CGREF1: variants seen among roughly 807,000 people sequenced by gnomAD.
CGREF1 encodes cell growth regulator with EF hand domain protein 1.
Under a neutral mutation model 17.4 loss-of-function variants are expected in CGREF1, and 16 were observed. The observed-to-expected ratio is 0.92, with a 90% CI of 0.62 to 1.40. CGREF1 has a LOEUF of 1.40. CGREF1 is among the 40% of genes most tolerant of loss of function. The pLI, the probability that CGREF1 is intolerant of heterozygous loss-of-function variation, is 0.00. For missense variants in CGREF1, 296 were observed against 376.4 expected (o/e 0.79, Z 1.77); for synonymous variants, 142 against 154.6 (o/e 0.92, Z 0.61).
chr2:27,109,087 T>G (rs1671245746), intron 1 of CGREF1, among the ~76,000 whole-genome samples: 1 of 152,146 alleles, frequency 6.6e-6, no homozygotes, highest in Non-Finnish European at 1.5e-5. Flanking sequence ...TTAAAGGAAA[T>G]TCAGCTGGAT....
chr2:27,107,933 CAAAAAAAAA>C (rs143132359), intron 1 of CGREF1, among the ~76,000 whole-genome samples: 1 of 95,852 alleles, frequency 1.0e-5, no homozygotes, highest in Non-Finnish European at 2.0e-5. Context: ...GACTCTGTCT[CAAAAAAAAA>C]AAAAAAAAGA....
chr2:27,111,190 G>T (rs527957630), intron 1 of CGREF1, among the ~76,000 whole-genome samples: 4 of 152,250 alleles, frequency 2.6e-5, no homozygotes, highest in Non-Finnish European at 1.5e-5. Flanking sequence ...AGAGCGGAGT[G>T]GTCTGTTTTG....
Position 27,104,305 on chromosome 2 carries a change from G to A in CGREF1, c.62C>T (p.Pro21Leu). 1.3e-6 allele frequency: 2 copies of A among 1,568,262 alleles called. No individual in the cohort carries two copies. The highest frequency in any genetic ancestry group is 2.2e-5 in the East Asian group (1 of 44,580). The change falls in exon 2 of 6, where the codon CCA becomes CTA. Residue 21 changes from proline to leucine, a missense_variant. This residue lies in a region of CGREF1 where 247 missense variants were observed against 267.2 expected (regional missense o/e 0.92). Transcript: ENST00000402394. ...CTGTTACCTTGTGACTCCATCCTTT[G>A]GGGCAGCCTGACCCGTGGGGAGCAG... ...LLLLPTGQAA[P>L]KDGVTRPDSE... is the part of the protein sequence containing the mutation.
rs149975754 is a variant in CGREF1 at position 27,110,892 on chromosome 2, C to T, written c.-11-6515G>A. The T allele has an allele frequency of 1.5e-3, 231 of 152,810 alleles. 6 individuals are homozygous for T. The East Asian group carries it at 0.043, about 28-fold the overall frequency. 9.5% of individuals were successfully genotyped at this position (152,810 alleles called of 1,614,324 possible). ...CTGCGGACCTTCGCAGTGAGTGTTA[C>T]AGCTCTTAAGGTAGTGCGTCTGGAG... On this transcript the variant is annotated intron_variant, in intron 1 of 5. Transcript: ENST00000402394.
Position 27,118,997 on chromosome 2 carries a change from C to G in CGREF1, c.-163G>C, listed in dbSNP as rs1161555528. 6.6e-6 allele frequency: 1 copy of G among 152,034 alleles called. No homozygotes were observed. Among genetic ancestry groups the G allele is most frequent in the Non-Finnish European group, 1.5e-5 (1 of 67,838 alleles). The allele number at this position is 152,034 out of a possible 1,614,324, so 9.4% of individuals were successfully genotyped here. ...CTCCCGGCTGGAGCCGCCGCCCTGG[C>G]CGGGCAGAGTCCGGAGCCAGTGCCA... is the stretch of plus-strand genomic sequence containing the variant. On this transcript the variant is annotated 5_prime_UTR_variant, in exon 1 of 6. Transcript: ENST00000402394.
chr2:27,104,428 G>A (rs1162160110), intron 1 of CGREF1, 51 bp from the exon 2 acceptor site: 41 of 1,599,978 alleles, frequency 2.6e-5, no homozygotes, highest in Middle Eastern at 1.7e-4. Context: ...GTCTGCCACC[G>A]TGTCACAGAT....
chr2:27,100,029 G>C (rs577021295), downstream of CGREF1: 4 of 659,464 alleles, frequency 6.1e-6, no homozygotes, highest in African/African-American at 5.4e-5. Flanking sequence ...CTGACTCTTC[G>C]ATCCTCCCTC....
At chr2:27,116,859 A>C in intron 1 of CGREF1, among the ~76,000 whole-genome samples, 1 of 86,572 alleles carries the variant, frequency 1.2e-5, no homozygotes, top group African/African-American at 3.7e-5. Context: ...ATGAGCCACC[A>C]GGCCAGGCCT....
Position 27,101,242 on chromosome 2 carries a change from G to C in CGREF1, c.*32C>G. ...ACTTCAGGGCTTATGTTCTGGCACT[G>C]AGACTTCGTGGGGTACCTGTATCTT... On this transcript the variant is annotated 3_prime_UTR_variant, in exon 6 of 6. Coordinates refer to ENST00000402394, the MANE Select transcript of CGREF1 (RefSeq NM_006569.6). 3 of 1,523,332 alleles carry C rather than the reference G, an allele frequency of 2.0e-6. No homozygotes were observed. Among genetic ancestry groups the C allele is most frequent in the Middle Eastern group, 1.8e-4 (1 of 5,610 alleles). The allele number at this position is 1,523,332 out of a possible 1,614,324, so 94.4% of individuals were successfully genotyped here.
chr2:27,102,076 T>A (rs759580610), intron 5 of CGREF1, 21 bp downstream of exon 5: 16 of 1,590,870 alleles, frequency 1.0e-5, no homozygotes, highest in Non-Finnish European at 1.4e-5. Flanking sequence ...TATGCGGGGA[T>A]CTCCATCCAG....
chr2:27,104,840 T>G (rs75401875), intron 1 of CGREF1: 52,566 of 1,422,032 alleles, frequency 0.037, 1,133 homozygotes, highest in South Asian at 0.056. Flanking sequence ...AGAAATGGAC[T>G]GTTTGTGTTT....
chr2:27,099,578 G>A, downstream of CGREF1: 2 of 1,614,170 alleles, frequency 1.2e-6, no homozygotes, highest in Non-Finnish European at 1.7e-6. Flanking sequence ...CTCTCCCAGG[G>A]TGAGTATGGC....
chr2:27,099,484 C>G, downstream of CGREF1: 1 of 1,614,158 alleles, frequency 6.2e-7, no homozygotes, highest in Non-Finnish European at 8.5e-7. Context: ...TGGCAAATTG[C>G]TCCACTCGGA....
At chr2:27,113,965 C>T (rs545981045) in intron 1 of CGREF1, among the ~76,000 whole-genome samples, 4 of 142,230 alleles carry the variant, frequency 2.8e-5, no homozygotes, top group East Asian at 2.0e-4. Context: ...CCAGCCTTCA[C>T]GTGTTCTTAC....
intron 1 of CGREF1, among the ~76,000 whole-genome samples, chr2:27,113,703 G>A (rs536316906): frequency 6.6e-6 from 1 of 152,308 alleles, no homozygotes; most frequent in South Asian, 2.1e-4. Flanking sequence ...GCTGACGAGA[G>A]CACCTCTGGC....
chr2:27,106,813 T>C (rs1368410644), intron 1 of CGREF1, among the ~76,000 whole-genome samples: 2 of 152,184 alleles, frequency 1.3e-5, no homozygotes, highest in East Asian at 3.9e-4. Context: ...AGACAGAGTT[T>C]CGCTGTGTTG....
downstream of CGREF1, chr2:27,099,572 C>T (rs1411651658): frequency 3.1e-6 from 5 of 1,614,152 alleles, no homozygotes; most frequent in Admixed American, 6.7e-5. Context: ...TTCAGCCTCT[C>T]CCAGGGTGAG....
chr2:27,104,872 A>G, intron 1 of CGREF1: 2 of 1,319,842 alleles, frequency 1.5e-6, no homozygotes, highest in Non-Finnish European at 2.0e-6. Flanking sequence ...ACTGAAGAAC[A>G]AATCAAAAGA....
chr2:27,114,912 G>A (rs988929534), intron 1 of CGREF1, among the ~76,000 whole-genome samples: 2 of 152,200 alleles, frequency 1.3e-5, no homozygotes, highest in Non-Finnish European at 2.9e-5. Flanking sequence ...TTTTGTGTGT[G>A]TGTGTGTGTG....
Sources: gnomAD v4.1 joint callset for allele counts (sites outside exome capture counted in the v4.1 genomes callset) on GRCh38, gnomAD v4.1.1 for gene constraint, gnomAD v4.1.1 regional missense constraint, MANE v1.5 for transcripts, NCBI Gene and HGNC (gene_info 2026-07-23, HGNC 2026-07-21) for gene names.